The following GRIN2A variants were observed in gnomAD, a reference collection of about 807,000 sequenced individuals.
GRIN2A encodes glutamate receptor ionotropic, NMDA 2A.
GRIN2A carries 22 observed loss-of-function variants against 113.4 expected under a neutral mutation model. That is an observed-to-expected ratio of 0.19 (90% CI 0.14 to 0.28). The LOEUF (loss-of-function observed/expected upper bound fraction) is 0.28, where lower values mean the gene tolerates loss of function less well. GRIN2A is among the 10% of genes least tolerant of loss of function. The pLI is 1.00. For synonymous variants in GRIN2A, 827 were observed against 738.4 expected (o/e 1.12, Z -1.94); for missense variants, 1,502 against 1,887.0 (o/e 0.80, Z 3.78).
rs373231516 is a variant in GRIN2A at position 9,893,446 on chromosome 16, GGTTTTTT to G, written c.1008-2353_1008-2347del. On this transcript the variant is annotated intron_variant, in intron 3 of 12. Coordinates refer to ENST00000330684, the MANE Select transcript of GRIN2A (RefSeq NM_001134407.3). ...GGTATCTCTTATCACTTCCTAGAAA[GGTTTTTT>G]GTTTTTTGTTTTTATTTTTGTTATT... Among the ~76,000 whole-genome samples, 578 of 152,068 alleles carry G rather than the reference GGTTTTTT, an allele frequency of 3.8e-3. 6 individuals are homozygous for G. Among genetic ancestry groups the G allele is most frequent in the African/African-American group, 0.013 (540 of 41,514 alleles).
chr16:10,010,008 A>C (rs1270769769), intron 2 of GRIN2A, among the ~76,000 whole-genome samples: 1 of 152,214 alleles, frequency 6.6e-6, no homozygotes, highest in Non-Finnish European at 1.5e-5. Flanking sequence ...GGCCAGACCA[A>C]AGCACAGTCC....
chr16:9,996,637 A>T (rs1432378524), intron 2 of GRIN2A, among the ~76,000 whole-genome samples: 1 of 152,210 alleles, frequency 6.6e-6, no homozygotes, highest in African/African-American at 2.4e-5. Context: ...CAGGATTTAT[A>T]ATCATATACA....
rs746354636 is a variant in GRIN2A, at chr16:9,769,070, C to T, written c.2376G>A (p.Glu792=). The change falls in exon 12 of 13, where the codon GAG becomes GAA. Residue 792 remains glutamate, a synonymous_variant. Coordinates refer to ENST00000330684, the MANE Select transcript of GRIN2A (RefSeq NM_001134407.3). Reference sequence around the variant, plus strand: ...GGCAGATCCCAGTGAGCCACAGGGTCTCCAGCTCCTCCATCTCACCTGGAC... The same window carrying T: ...GGCAGATCCCAGTGAGCCACAGGGTTTCCAGCTCCTCCATCTCACCTGGAC... ...FVGDGEMEEL[E]TLWLTGICHN... is the part of the protein sequence containing the mutation. 2 of 1,613,444 alleles carry T rather than the reference C, an allele frequency of 1.2e-6. No individual in the cohort carries two copies. Among genetic ancestry groups the T allele is most frequent in the Non-Finnish European group, 8.5e-7 (1 of 1,179,376 alleles).
At chr16:9,884,526 G>A (rs922406504) in intron 4 of GRIN2A, among the ~76,000 whole-genome samples, 10 of 152,086 alleles carry the variant, frequency 6.6e-5, no homozygotes, top group African/African-American at 2.4e-4. Flanking sequence ...TCCAGCCTGG[G>A]TGACAGTGTG....
intron 4 of GRIN2A, among the ~76,000 whole-genome samples, chr16:9,863,165 G>A (rs2043100309): frequency 6.6e-6 from 1 of 152,104 alleles, no homozygotes; most frequent in African/African-American, 2.4e-5. Context: ...TATTTGCTTT[G>A]GGAAATATTA....
At chr16:10,027,067 G>T (rs183944407) in intron 2 of GRIN2A, among the ~76,000 whole-genome samples, 2 of 152,228 alleles carry the variant, frequency 1.3e-5, no homozygotes, top group Non-Finnish European at 2.9e-5. Context: ...TTAAATATTT[G>T]TTATGTTTCT....
chr16:10,016,652 A>T (rs1460350183), intron 2 of GRIN2A, among the ~76,000 whole-genome samples: 1 of 152,194 alleles, frequency 6.6e-6, no homozygotes, highest in Non-Finnish European at 1.5e-5. Flanking sequence ...CGAAGAATTT[A>T]TTGTAGTTGT....
chr16:9,799,041 T>C (rs1903189230), intron 10 of GRIN2A, among the ~76,000 whole-genome samples: 1 of 152,224 alleles, frequency 6.6e-6, no homozygotes, highest in African/African-American at 2.4e-5. Flanking sequence ...AACATGTTAG[T>C]GAACAGCCTT....
chr16:10,152,239 G>C (rs1192783783), intron 2 of GRIN2A, among the ~76,000 whole-genome samples: 1 of 152,174 alleles, frequency 6.6e-6, no homozygotes, highest in Non-Finnish European at 1.5e-5. Context: ...TAGCATCAAA[G>C]TTAGGAAGAG....
At chr16:9,974,346 G>C (rs1197738266) in intron 2 of GRIN2A, among the ~76,000 whole-genome samples, 1 of 152,118 alleles carries the variant, frequency 6.6e-6, no homozygotes, top group Non-Finnish European at 1.5e-5. Context: ...TGACCTAACC[G>C]GTTATGTTAT....
intron 10 of GRIN2A, among the ~76,000 whole-genome samples, chr16:9,814,493 A>G (rs2042149585): frequency 6.6e-6 from 1 of 152,154 alleles, no homozygotes; most frequent in African/African-American, 2.4e-5. Flanking sequence ...ATTAAGTGCA[A>G]AGATGCCTGG....
At chr16:9,885,018 T>C (rs1205114002) in intron 4 of GRIN2A, among the ~76,000 whole-genome samples, 1 of 152,078 alleles carries the variant, frequency 6.6e-6, no homozygotes. Flanking sequence ...ATTACAGGTG[T>C]GAGCCACCGT....
intron 11 of GRIN2A, among the ~76,000 whole-genome samples, chr16:9,793,434 T>C (rs1420681273): frequency 5.3e-5 from 8 of 152,148 alleles, no homozygotes; most frequent in Non-Finnish European, 5.9e-5. Flanking sequence ...ATGGGACTTA[T>C]GGGATCCCCT....
chr16:9,887,872 A>G (rs2043615404), intron 4 of GRIN2A, among the ~76,000 whole-genome samples: 1 of 152,190 alleles, frequency 6.6e-6, no homozygotes, highest in South Asian at 2.1e-4. Flanking sequence ...CAGCCTGGCC[A>G]ACATGGTGCA....
chr16:9,770,631 A>G (rs1313843815), intron 11 of GRIN2A, among the ~76,000 whole-genome samples: 3 of 152,138 alleles, frequency 2.0e-5, no homozygotes, highest in Non-Finnish European at 4.4e-5. Flanking sequence ...TTTGGTGTGA[A>G]GTCTAGATGT....
intron 2 of GRIN2A, among the ~76,000 whole-genome samples, chr16:10,110,672 G>T (rs1210118145): frequency 1.3e-5 from 2 of 152,212 alleles, no homozygotes; most frequent in African/African-American, 2.4e-5. Context: ...CTTGTAGCAG[G>T]TTCTGGATAA....
At chr16:9,843,347 A>G (rs1596486926) in intron 5 of GRIN2A, among the ~76,000 whole-genome samples, 1 of 152,134 alleles carries the variant, frequency 6.6e-6, no homozygotes, top group Admixed American at 6.5e-5. Flanking sequence ...CAATTTTTTA[A>G]GAGACACGCT....
chr16:10,136,309 A>G (rs538010737), intron 2 of GRIN2A, among the ~76,000 whole-genome samples: 10 of 152,136 alleles, frequency 6.6e-5, no homozygotes, highest in Non-Finnish European at 8.8e-5. Context: ...AGGCGAAAAC[A>G]ACTAAAATCC....
chr16:10,145,852 T>C (rs2049428333), intron 2 of GRIN2A, among the ~76,000 whole-genome samples: 1 of 152,156 alleles, frequency 6.6e-6, no homozygotes, highest in Non-Finnish European at 1.5e-5. Flanking sequence ...CAAAGACAGG[T>C]GGCAGGCCAT....
Sources: gnomAD v4.1 joint callset for allele counts (sites outside exome capture counted in the v4.1 genomes callset) on GRCh38, gnomAD v4.1.1 for gene constraint, MANE v1.5 for transcripts, NCBI Gene and HGNC (gene_info 2026-07-23, HGNC 2026-07-21) for gene names.